Variants in TNRC6A observed in about 807,000 individuals in gnomAD.
TNRC6A encodes trinucleotide repeat containing adaptor 6A.
TNRC6A carries 44 observed loss-of-function variants against 221.2 expected under a neutral mutation model. The ratio of observed to expected loss-of-function variants is 0.20; its 90% confidence interval spans 0.16 to 0.26. The LOEUF (loss-of-function observed/expected upper bound fraction) is 0.26, where lower values mean the gene tolerates loss of function less well. TNRC6A is among the 10% of genes least tolerant of loss of function. The pLI, the probability that TNRC6A is intolerant of heterozygous loss-of-function variation, is 1.00. For missense variants in TNRC6A, 2,199 were observed against 2,404.4 expected (o/e 0.91, Z 1.79); for synonymous variants, 847 against 838.5 (o/e 1.01, Z -0.18).
chr16:24,823,779 A>C lies in TNRC6A; in HGVS notation c.5861A>C (p.His1954Pro). Residue 1954 changes from histidine (H) to proline (P), a missense_variant, in exon 25 of 25, where the codon CAC (histidine) becomes CCC (proline). By Grantham distance (77) the His-to-Pro change is moderately conservative. This residue lies in a region of TNRC6A where 130 missense variants were observed against 121.7 expected (regional missense o/e 1.07). Coordinates refer to ENST00000395799, the MANE Select transcript of TNRC6A (RefSeq NM_014494.4). The surrounding 1 kb of genome is among the most constrained non-coding windows in gnomAD (Gnocchi z 4.3). ...ATTAACGCTTTTCTTTCTGTTGACC[A>C]CCTGGGTGGGGGTGGAGAGTCCATG... ...SPINAFLSVD[H>P]LGGGGESM is the part of the protein sequence containing the mutation. The C allele has an allele frequency of 2.0e-6, 3 of 1,478,376 alleles. No homozygotes were observed. Among genetic ancestry groups the C allele is most frequent in the Non-Finnish European group, 2.7e-6 (3 of 1,113,998 alleles). 91.6% of individuals were successfully genotyped at this position (1,478,376 alleles called of 1,614,324 possible). A position where few individuals can be genotyped will look rare whatever the true frequency, so the allele number is the denominator to read the frequency against.
intron 8 of TNRC6A, among the ~76,000 whole-genome samples, chr16:24,795,369 G>A (rs1194863747): frequency 6.6e-6 from 1 of 152,170 alleles, no homozygotes; most frequent in African/African-American, 2.4e-5. Context: ...CTGATGCAGA[G>A]CCAGGTTTGG....
rs1369057108 is a variant in TNRC6A, at chr16:24,806,200, C to T, written c.4252-6C>T. On this transcript the variant is annotated splice_region_variant and splice_polypyrimidine_tract_variant and intron_variant, in intron 15 of 24. Transcript: ENST00000395799. ...AGTAACAACCTTTTCGCTATCTTTC[C>T]TCTAGCGATTGTTAGCGCAGCAGCA... is the stretch of plus-strand genomic sequence containing the variant. 56 of 1,613,842 alleles carry T rather than the reference C, an allele frequency of 3.5e-5. No homozygotes were observed. Among genetic ancestry groups the T allele is most frequent in the Non-Finnish European group, 4.7e-5 (56 of 1,179,926 alleles).
At chr16:24,616,250 C>T (rs940146399) in intron 1 of TNRC6A, among the ~76,000 whole-genome samples, 2 of 147,872 alleles carry the variant, frequency 1.4e-5, no homozygotes, top group African/African-American at 5.0e-5. Flanking sequence ...CACTTGAACC[C>T]GGGAGGCAGA....
In TNRC6A at chr16:24,682,794, T is replaced by C. The variant is rs576026494; in HGVS notation, n.402+41785T>C. Among the ~76,000 whole-genome samples the C allele has an allele frequency of 3.9e-5, 6 of 152,204 alleles. No individual in the cohort carries two copies. The East Asian group carries it at 1.2e-3, about 29-fold the overall frequency. On this transcript the variant is annotated intron_variant and non_coding_transcript_variant, in intron 2 of 2. Transcript: ENST00000566108. ...AAGCCCCGTCTCCTCCCTTCCTCAA[T>C]CATCTTCTGGGGCTCCCTATTGGTC...
chr16:24,671,058 G>A (rs2055289843), intron 2 of TNRC6A: 2 of 350,574 alleles, frequency 5.7e-6, no homozygotes, highest in Non-Finnish European at 1.2e-5. Context: ...CCCTCCGACA[G>A]CACTGCAGCA....
upstream of TNRC6A, among the ~76,000 whole-genome samples, chr16:24,727,397 A>G (rs2056510516): frequency 6.6e-6 from 1 of 152,050 alleles, no homozygotes; most frequent in Non-Finnish European, 1.5e-5. Flanking sequence ...CCTTGGTGCT[A>G]TTGGCATTTT....
At chr16:24,649,980 A>G (rs906743610) in intron 2 of TNRC6A, among the ~76,000 whole-genome samples, 2 of 150,924 alleles carry the variant, frequency 1.3e-5, no homozygotes, top group African/African-American at 4.9e-5. Flanking sequence ...TGCGCAACCA[A>G]GCCCAGCTAA....
At chr16:24,789,017 T>C (rs1468647435) in intron 5 of TNRC6A, among the ~76,000 whole-genome samples, 10 of 152,366 alleles carry the variant, frequency 6.6e-5, no homozygotes, top group Admixed American at 3.9e-4. Flanking sequence ...GGGGCTGTTA[T>C]GTCCTCTAGG....
At chr16:24,626,007 A>G (rs975362847) in intron 1 of TNRC6A, among the ~76,000 whole-genome samples, 12 of 152,112 alleles carry the variant, frequency 7.9e-5, no homozygotes, top group Non-Finnish European at 4.4e-5. Context: ...CTGGACACCA[A>G]TAGTTTCTTT....
intron 2 of TNRC6A, among the ~76,000 whole-genome samples, chr16:24,706,573 G>A (rs551308186): frequency 6.6e-5 from 10 of 151,850 alleles, no homozygotes; most frequent in Non-Finnish European, 1.3e-4. Flanking sequence ...AAAATTAGCC[G>A]GGCGTAGTGG....
chr16:24,740,394 G>C (rs1198095276), intron 2 of TNRC6A, among the ~76,000 whole-genome samples: 1 of 152,130 alleles, frequency 6.6e-6, no homozygotes. Flanking sequence ...AGGCCAGTGT[G>C]GACAGTATTG....
In TNRC6A at chr16:24,689,989, T is replaced by TAAAAAA. The variant is rs60944175; in HGVS notation, n.402+49013_402+49018dup. Among the ~76,000 whole-genome samples, 49 of 97,518 alleles carry TAAAAAA rather than the reference T, an allele frequency of 5.0e-4. 1 individual carries two copies. The highest frequency in any genetic ancestry group is 1.7e-3 in the East Asian group (5 of 2,862). The allele number at this position is 97,518 out of a possible 152,430, so 64.0% of individuals were successfully genotyped here. ...TGGTCTCAAACTCCTAGGCTTAAAG[T>TAAAAAA]AAAAAAAAAAAAAAAAAAAAAAAAA... On this transcript the variant is annotated intron_variant and non_coding_transcript_variant, in intron 2 of 2. Coordinates refer to the TNRC6A transcript ENST00000566108.
At chr16:24,772,454 A>G (rs1276137476) in intron 4 of TNRC6A, among the ~76,000 whole-genome samples, 2 of 152,030 alleles carry the variant, frequency 1.3e-5, no homozygotes, top group East Asian at 1.9e-4. Flanking sequence ...AGATCGCGCC[A>G]TTGCACTCCA....
At chr16:24,684,751 A>G (rs991425868) in intron 2 of TNRC6A, among the ~76,000 whole-genome samples, 1 of 152,060 alleles carries the variant, frequency 6.6e-6, no homozygotes, top group African/African-American at 2.4e-5. Context: ...GGTTACCGTG[A>G]GCTGTGATCA....
chr16:24,758,133 C>CAT (rs2057290292), intron 3 of TNRC6A, among the ~76,000 whole-genome samples: 1 of 152,140 alleles, frequency 6.6e-6, no homozygotes, highest in Non-Finnish European at 1.5e-5. Flanking sequence ...AATTAATAAA[C>CAT]ATAGTATCAG....
intron 1 of TNRC6A, among the ~76,000 whole-genome samples, chr16:24,611,657 G>C (rs113781048): frequency 6.6e-6 from 1 of 152,228 alleles, no homozygotes; most frequent in Admixed American, 6.5e-5. Context: ...CAGCATGTGA[G>C]CGATTTAGTT....
At chr16:24,730,011 G>A (rs921733673) in intron 1 of TNRC6A, among the ~76,000 whole-genome samples, 165 bp downstream of exon 1, 4 of 147,850 alleles carry the variant, frequency 2.7e-5, no homozygotes, top group Admixed American at 2.0e-4. Flanking sequence ...CCGAGCGGGC[G>A]GCCCGGGGGA....
chr16:24,748,648 G>A lies in TNRC6A; in HGVS notation c.54-2078G>A, dbSNP rs557542853. On this transcript the variant is annotated intron_variant, in intron 2 of 24. Transcript: ENST00000395799. Reference sequence around the variant, plus strand: ...CATAATGTCATTCATTTCATTTTTCGGTGTCTGCATCTCCTCTCAGTCTGT... The same window carrying A: ...CATAATGTCATTCATTTCATTTTTCAGTGTCTGCATCTCCTCTCAGTCTGT... Among the ~76,000 whole-genome samples the A allele has an allele frequency of 5.9e-5, 9 of 151,690 alleles. No homozygotes were observed. The South Asian group carries it at 1.3e-3, about 21-fold the overall frequency.
chr16:24,619,086 C>A (rs979537701), intron 1 of TNRC6A, among the ~76,000 whole-genome samples: 1 of 152,194 alleles, frequency 6.6e-6, no homozygotes, highest in Non-Finnish European at 1.5e-5. Flanking sequence ...AACCACTACT[C>A]TGTACTTTTT....
Sources: gnomAD v4.1 joint callset for allele counts (sites outside exome capture counted in the v4.1 genomes callset) on GRCh38, gnomAD v4.1.1 for gene constraint, gnomAD v4.1.1 regional missense constraint, Gnocchi (gnomAD v3.1) non-coding constraint, MANE v1.5 for transcripts, NCBI Gene and HGNC (gene_info 2026-07-23, HGNC 2026-07-21) for gene names.